RALGAPB: variants seen among roughly 807,000 people sequenced by gnomAD.
RALGAPB encodes ral GTPase-activating protein subunit beta.
A neutral mutation model predicts 161.1 loss-of-function variants in RALGAPB; 25 were observed. The observed-to-expected ratio is 0.16, with a 90% confidence interval of 0.11 to 0.22. RALGAPB has a LOEUF of 0.22. Ranked by LOEUF, RALGAPB falls within the 10% of genes least tolerant of loss-of-function variation. The pLI is 1.00. For missense variants in RALGAPB, 1,391 were observed against 1,815.2 expected, an observed-to-expected ratio of 0.77 and a Z score of 4.25; for synonymous variants, 629 against 626.1, an observed-to-expected ratio of 1.00 and a Z score of -0.07.
At chr20:38,546,197 A>G (rs1366282596) in intron 18 of RALGAPB, 46 bp from the exon 19 acceptor site, 1 of 1,610,300 alleles carries the variant, frequency 6.2e-7, no homozygotes, top group African/African-American at 1.3e-5. Context: ...GGTAAACTGA[A>G]GATTTTGCTT....
chr20:38,536,437 A>T (rs6100113), intron 16 of RALGAPB, among the ~76,000 whole-genome samples: 11,201 of 152,170 alleles, frequency 0.074, 1,432 homozygotes, highest in African/African-American at 0.25. Context: ...GTGAACATGT[A>T]TGTACATGTA....
intron 21 of RALGAPB, 29 bp from the exon 22 acceptor site, chr20:38,553,838 C>G: frequency 1.2e-6 from 1 of 867,814 alleles, no homozygotes; most frequent in Non-Finnish European, 1.8e-6. Context: ...ATAATAGTTT[C>G]AAAAAATGAA....
chr20:38,532,822 T>A lies in RALGAPB; in HGVS notation c.2208T>A (p.Asp736Glu). The A allele has an allele frequency of 6.2e-7, 1 of 1,614,230 alleles. No individual in the cohort carries two copies. ...GAAGCACGGAGCCCACGACTCCCGATAGTGAGAGACCTGCTCAAGCTCTCT... is the reference window on the plus strand; with the variant it reads ...GAAGCACGGAGCCCACGACTCCCGAAAGTGAGAGACCTGCTCAAGCTCTCT... ...SGGSTEPTTP[D>E]SERPAQALLR... The change falls in exon 15 of 30, where the codon GAT becomes GAA. Residue 736 changes from aspartate (D) to glutamate (E), a missense_variant. By Grantham distance (45) the Asp-to-Glu change is conservative. Around this residue, in one of 3 missense-constraint regions of RALGAPB, gnomAD observed 946 missense variants for 1,257.2 expected, o/e 0.75. Coordinates refer to ENST00000262879, the MANE Select transcript of RALGAPB (RefSeq NM_020336.4).
Position 38,574,260 on chromosome 20 carries a change from C to T in RALGAPB, c.4253C>T (p.Pro1418Leu). The change falls in exon 29 of 30, where the codon CCT becomes CTT. Residue 1418 changes from proline (P) to leucine (L), a missense_variant. By Grantham distance (98) the Pro-to-Leu change is moderately conservative. Coordinates refer to ENST00000262879, the MANE Select transcript of RALGAPB (RefSeq NM_020336.4). ...GATGKFNMVI[P>L]LVDGMIVSRR... is the part of the protein sequence containing the mutation. ...ACTGGAAAATTTAATATGGTCATCC[C>T]TCTTGTGGATGGGATGATTGTCAGC... 6.2e-7 allele frequency: 1 copy of T among 1,613,486 alleles called. No homozygotes were observed. The highest frequency in any genetic ancestry group is 8.5e-7 in the Non-Finnish European group (1 of 1,179,758).
intron 2 of RALGAPB, among the ~76,000 whole-genome samples, chr20:38,490,648 A>T (rs929339104): frequency 1.3e-5 from 2 of 151,616 alleles, no homozygotes; most frequent in Non-Finnish European, 2.9e-5. Context: ...CTGGGATTAC[A>T]GGCATGCACC....
chr20:38,508,500 T>G (rs1284272943), intron 5 of RALGAPB, among the ~76,000 whole-genome samples: 1 of 152,120 alleles, frequency 6.6e-6, no homozygotes, highest in African/African-American at 2.4e-5. Flanking sequence ...GAAGCTGAAC[T>G]GAAGAGAATT....
intron 23 of RALGAPB, among the ~76,000 whole-genome samples, chr20:38,559,259 C>T (rs2087703547): frequency 6.6e-6 from 1 of 152,242 alleles, no homozygotes; most frequent in Non-Finnish European, 1.5e-5. Flanking sequence ...CCCTGTGGCT[C>T]AGCATCCCAG....
At chr20:38,546,670 G>A in intron 19 of RALGAPB, 2 of 495,180 alleles carry the variant, frequency 4.0e-6, no homozygotes, top group Non-Finnish European at 7.2e-6. Context: ...TTTATAAAAG[G>A]TGGTGTTTTA....
intron 5 of RALGAPB, among the ~76,000 whole-genome samples, chr20:38,504,373 T>G (rs1210871612): frequency 6.6e-6 from 1 of 152,206 alleles, no homozygotes; most frequent in African/African-American, 2.4e-5. Context: ...GATAACTGGC[T>G]AACCATATGC....
rs192023961 is a variant in RALGAPB at position 38,515,648 on chromosome 20, G to A, written c.873-544G>A. Among the ~76,000 whole-genome samples, 213 of 151,978 alleles carry A rather than the reference G, an allele frequency of 1.4e-3. 4 individuals carry two copies. The highest frequency in any genetic ancestry group is 0.012 in the Admixed American group (181 of 15,274). ...TAGTTGTTTTTTTTTAATTGAAAAT[G>A]TTAATATTAAAGTAAAATTTTCTCC... On this transcript the variant is annotated intron_variant, in intron 6 of 29. Coordinates refer to ENST00000262879, the MANE Select transcript of RALGAPB (RefSeq NM_020336.4).
chr20:38,529,742 C>G (rs988584480), intron 13 of RALGAPB, among the ~76,000 whole-genome samples: 5 of 148,412 alleles, frequency 3.4e-5, no homozygotes, highest in African/African-American at 5.0e-5. Flanking sequence ...ACTCGGAGGC[C>G]GAGGCAGAGA....
At chr20:38,517,390 A>T in intron 7 of RALGAPB, 116 bp from the exon 8 acceptor site, 1 of 985,996 alleles carries the variant, frequency 1.0e-6, no homozygotes, top group Non-Finnish European at 1.4e-6. Flanking sequence ...GGCAACTAGC[A>T]ATCTCTGCTA....
At chr20:38,525,045 C>T (rs1241642746) in intron 11 of RALGAPB, 100 bp downstream of exon 11, 2 of 1,210,550 alleles carry the variant, frequency 1.7e-6, no homozygotes, top group Non-Finnish European at 2.4e-6. Context: ...CAGTTGTCTT[C>T]ATAGTCCAAG....
chr20:38,533,210 A>G (rs751806355), intron 15 of RALGAPB, among the ~76,000 whole-genome samples: 3 of 152,190 alleles, frequency 2.0e-5, no homozygotes, highest in Non-Finnish European at 4.4e-5. Context: ...CCAATAAGCC[A>G]GTTATTGCAG....
chr20:38,523,380 A>G (rs1029561772), intron 10 of RALGAPB, among the ~76,000 whole-genome samples: 1 of 152,210 alleles, frequency 6.6e-6, no homozygotes, highest in Non-Finnish European at 1.5e-5. Context: ...CTGGGGAGAT[A>G]TCCTAAATGG....
At chr20:38,498,917 A>G (rs1209162788) in intron 4 of RALGAPB, among the ~76,000 whole-genome samples, 2 of 152,322 alleles carry the variant, frequency 1.3e-5, no homozygotes, top group South Asian at 2.1e-4. Flanking sequence ...GTAAAAAGAC[A>G]TGGGTGTTTG....
chr20:38,514,084 A>T (rs549625660), intron 6 of RALGAPB, among the ~76,000 whole-genome samples: 72 of 152,350 alleles, frequency 4.7e-4, no homozygotes, highest in African/African-American at 1.7e-3. Context: ...AGAGGAGCCA[A>T]CTTAAGCAAA....
rs376696839 is a variant in RALGAPB, at chr20:38,539,758, C to A, written c.2380-18C>A. ...ATTCCTGGCTGATTGTTTTTGTTCT[C>A]CAAATGAATATGCTCAGGTAAAAGT... is the stretch of plus-strand genomic sequence containing the variant. On this transcript the variant is annotated intron_variant, in intron 16 of 29. Transcript: ENST00000262879. The A allele has an allele frequency of 6.2e-7, 1 of 1,605,942 alleles. No homozygotes were observed.
At position 38,565,371 on chromosome 20, in the gene RALGAPB, C is replaced by T. The variant is rs1487169205; in HGVS notation, c.3710C>T (p.Ser1237Phe). 6.2e-7 allele frequency: 1 copy of T among 1,613,328 alleles called. No individual in the cohort carries two copies. The highest frequency in any genetic ancestry group is 1.1e-5 in the South Asian group (1 of 90,980). Reference protein sequence around the residue: ...GEGSQQEVISSEDIGASIFNG... With the variant: ...GEGSQQEVISFEDIGASIFNG... ...TTTTTCCCAGAAGAAGTGATTTCCT[C>T]TGAAGATATTGGAGCTAGCATTTTC... Residue 1237 changes from serine (S) to phenylalanine (F), a missense_variant, in exon 25 of 30, where the codon TCT becomes TTT. Around this residue, in one of 3 missense-constraint regions of RALGAPB, gnomAD observed 436 missense variants for 527.0 expected, o/e 0.83. Transcript: ENST00000262879.
Sources: gnomAD v4.1 joint callset for allele counts (sites outside exome capture counted in the v4.1 genomes callset) on GRCh38, gnomAD v4.1.1 for gene constraint, gnomAD v4.1.1 regional missense constraint, MANE v1.5 for transcripts, NCBI Gene and HGNC (gene_info 2026-07-23, HGNC 2026-07-21) for gene names.